The following EFCAB8 variants were observed in gnomAD, a reference collection of about 807,000 sequenced individuals.
The protein encoded by EFCAB8 is EF-hand calcium binding domain 8.
In EFCAB8, 100 loss-of-function variants were observed where a neutral mutation model predicts 116.3. That is an observed-to-expected ratio of 0.86 (90% CI 0.73 to 1.02). The LOEUF is 1.02. EFCAB8 is among the 50% of genes least tolerant of loss of function. The probability of loss-of-function intolerance (pLI) is 0.00; values close to 1 mark genes in which losing one functional copy is unlikely to be tolerated. For missense variants in EFCAB8, 1,320 were observed against 1,416.9 expected, an observed-to-expected ratio of 0.93 and a Z score of 1.10; for synonymous variants, 558 against 567.9, an observed-to-expected ratio of 0.98 and a Z score of 0.25.
intron 10 of EFCAB8, among the ~76,000 whole-genome samples, chr20:32,897,048 A>G (rs1020283648): frequency 6.6e-6 from 1 of 152,076 alleles, no homozygotes; most frequent in Non-Finnish European, 1.5e-5. Flanking sequence ...TGTTCCCTGA[A>G]TGGGCTCAGC....
intron 23 of EFCAB8, among the ~76,000 whole-genome samples, chr20:32,956,468 C>A (rs1465060568): frequency 6.6e-6 from 1 of 151,650 alleles, no homozygotes; most frequent in Non-Finnish European, 1.5e-5. Flanking sequence ...ATTTTCAGAT[C>A]AAATTTTCTG....
intron 1 of EFCAB8, among the ~76,000 whole-genome samples, chr20:32,862,487 CT>C (rs149239191): frequency 0.026 from 3,930 of 152,242 alleles, 73 homozygotes; most frequent in Non-Finnish European, 0.04. Context: ...TGTTAGCTTG[CT>C]TCTTGGCTTC....
intron 23 of EFCAB8, among the ~76,000 whole-genome samples, chr20:32,947,649 C>T (rs1988636940): frequency 6.6e-6 from 1 of 151,882 alleles, no homozygotes; most frequent in Non-Finnish European, 1.5e-5. Context: ...ATATTTTGAA[C>T]TGAATGAAAA....
At chr20:32,911,135 G>T (rs573076961) in intron 15 of EFCAB8, among the ~76,000 whole-genome samples, 1 of 152,226 alleles carries the variant, frequency 6.6e-6, no homozygotes, top group East Asian at 1.9e-4. Context: ...CTACTTAGGG[G>T]GCAGTTAGTT....
In EFCAB8 at chr20:32,961,702, G is replaced by A; in HGVS notation, c.*93G>A. The A allele has an allele frequency of 1.3e-6, 1 of 773,636 alleles. No individual in the cohort carries two copies. Among genetic ancestry groups the A allele is most frequent in the Non-Finnish European group, 1.8e-6 (1 of 561,776 alleles). 47.9% of individuals were successfully genotyped at this position (773,636 alleles called of 1,614,324 possible). On this transcript the variant is annotated 3_prime_UTR_variant, in exon 27 of 27. Coordinates refer to ENST00000400522, the MANE Select transcript of EFCAB8 (RefSeq NM_001143967.2). ...GGCTTATTCCCTACCAGACCCAGAGGATGTGGCTCTTCCCCCGGCCACCCC... is the reference window on the plus strand; with the variant it reads ...GGCTTATTCCCTACCAGACCCAGAGAATGTGGCTCTTCCCCCGGCCACCCC...
intron 19 of EFCAB8, 113 bp from the exon 20 acceptor site, chr20:32,919,965 C>A: frequency 7.4e-7 from 1 of 1,355,688 alleles, no homozygotes; most frequent in Non-Finnish European, 1.0e-6. Context: ...GCCAGTGTAC[C>A]TACTGCGGGG....
chr20:32,932,864 T>C (rs1390713924), intron 22 of EFCAB8, among the ~76,000 whole-genome samples: 1 of 152,270 alleles, frequency 6.6e-6, no homozygotes. Context: ...TGCAGTCTTA[T>C]GTGCCTTTTG....
At chr20:32,879,447 A>G (rs1481831796) in intron 5 of EFCAB8, among the ~76,000 whole-genome samples, 1 of 152,122 alleles carries the variant, frequency 6.6e-6, no homozygotes, top group East Asian at 1.9e-4. Flanking sequence ...AGGGGAGGAA[A>G]ACTGTCTTTT....
In EFCAB8 at chr20:32,930,442, C is replaced by G. The variant is rs1276630769; in HGVS notation, c.2457C>G (p.Ala819=). The change falls in exon 21 of 27, where the codon GCC becomes GCG. Residue 819 remains alanine (A), a synonymous_variant. Transcript: ENST00000400522. ...GGCCTCGCCTGCCGCACACGGCTGCCCTGCTGAGCAGCTGCATGGACGGCT... is the reference window on the plus strand; with the variant it reads ...GGCCTCGCCTGCCGCACACGGCTGCGCTGCTGAGCAGCTGCATGGACGGCT... ...QTRPRLPHTA[A]LLSSCMDGYI... The G allele has an allele frequency of 7.1e-6, 11 of 1,551,656 alleles. No individual in the cohort carries two copies. Among genetic ancestry groups the G allele is most frequent in the Non-Finnish European group, 9.6e-6 (11 of 1,147,050 alleles).
At position 32,959,774 on chromosome 20, in the gene EFCAB8, C is replaced by G; in HGVS notation, c.3090-4C>G. On this transcript the variant is annotated splice_polypyrimidine_tract_variant and splice_region_variant and intron_variant, in intron 24 of 26. Transcript: ENST00000400522. The stretch of plus-strand genomic sequence containing the variant: ...CATCTTGTGAAGGAAAGCCCCCACA[C>G]TAGGGAGCAGCGGGATCTGGCTGAG... 2 of 1,479,564 alleles carry G rather than the reference C, an allele frequency of 1.4e-6. No homozygotes were observed. Among genetic ancestry groups the G allele is most frequent in the South Asian group, 2.8e-5 (2 of 71,880 alleles). The allele number at this position is 1,479,564 out of a possible 1,614,324, so 91.7% of individuals were successfully genotyped here.
chr20:32,893,222 C>A lies in EFCAB8; in HGVS notation c.807C>A (p.Asn269Lys). ...GVFCYGDAKG[N>K]VIVFTSENMT... ...TCTGCTATGGAGACGCCAAAGGCAACGTCATTGTCTTCACCTCCGAAAACA... is the reference window on the plus strand; with the variant it reads ...TCTGCTATGGAGACGCCAAAGGCAAAGTCATTGTCTTCACCTCCGAAAACA... Residue 269 changes from asparagine to lysine, a missense_variant, in exon 9 of 27, where the codon AAC becomes AAA. Transcript: ENST00000400522. 1 of 1,552,038 alleles carries A rather than the reference C, an allele frequency of 6.4e-7. No homozygotes were observed. The highest frequency in any genetic ancestry group is 8.7e-7 in the Non-Finnish European group (1 of 1,147,064).
At chr20:32,907,759 C>T (rs1414776040) in intron 13 of EFCAB8, among the ~76,000 whole-genome samples, 1 of 152,154 alleles carries the variant, frequency 6.6e-6, no homozygotes, top group Non-Finnish European at 1.5e-5. Flanking sequence ...CGCTGAGGTC[C>T]CCAGTCGGCC....
chr20:32,880,513 C>T (rs1027613424), intron 5 of EFCAB8, among the ~76,000 whole-genome samples: 5 of 152,070 alleles, frequency 3.3e-5, no homozygotes, highest in East Asian at 3.9e-4. Flanking sequence ...TCAAGTAATC[C>T]GCTCACCTTG....
Position 32,867,548 on chromosome 20 carries a change from G to T in EFCAB8, c.43-34G>T, listed in dbSNP as rs758502674. ...AATGTTTGGCTCAGGAAATTGAAAC[G>T]CTCAGTCCCTGGTTCTTGTTATATT... is the stretch of plus-strand genomic sequence containing the variant. On this transcript the variant is annotated intron_variant, in intron 2 of 26. Coordinates refer to ENST00000400522, the MANE Select transcript of EFCAB8 (RefSeq NM_001143967.2). The T allele has an allele frequency of 3.2e-6, 5 of 1,540,792 alleles. No individual in the cohort carries two copies. The African/African-American group carries it at 4.1e-5, about 13-fold the overall frequency.
At chr20:32,930,324 C>G in intron 20 of EFCAB8, 74 bp from the exon 21 acceptor site, 2 of 1,308,686 alleles carry the variant, frequency 1.5e-6, no homozygotes, top group Non-Finnish European at 2.1e-6. Flanking sequence ...GGTGTGGTGA[C>G]TTGCTGAGGT....
chr20:32,860,001 G>C (rs1984021436), intron 1 of EFCAB8, among the ~76,000 whole-genome samples: 1 of 152,056 alleles, frequency 6.6e-6, no homozygotes, highest in African/African-American at 2.4e-5. Flanking sequence ...GCCTTTCTTT[G>C]GTTTACATGG....
intron 14 of EFCAB8, among the ~76,000 whole-genome samples, chr20:32,909,567 G>C (rs1386764353): frequency 6.6e-6 from 1 of 151,366 alleles, no homozygotes; most frequent in Non-Finnish European, 1.5e-5. Flanking sequence ...AAGGTGAAAG[G>C]GACCTTGGAC....
At chr20:32,880,782 C>G (rs1985291292) in intron 5 of EFCAB8, among the ~76,000 whole-genome samples, 1 of 152,112 alleles carries the variant, frequency 6.6e-6, no homozygotes, top group African/African-American at 2.4e-5. Flanking sequence ...CATAGGGAAG[C>G]TCTCAGAACC....
In EFCAB8 at chr20:32,917,075, G is replaced by A. The variant is rs1987221366; in HGVS notation, c.1857-226G>A. On this transcript the variant is annotated intron_variant, in intron 17 of 26. Coordinates refer to ENST00000400522, the MANE Select transcript of EFCAB8 (RefSeq NM_001143967.2). ...GGGGTGTATTACACATTGACTATCT[G>A]TAAGATTAGTTTATGTAAAGCCCCT... 13 of 547,692 alleles carry A rather than the reference G, an allele frequency of 2.4e-5. No homozygotes were observed. In the South Asian group the frequency reaches 2.5e-4, roughly 10 times the overall value. 33.9% of individuals were successfully genotyped at this position (547,692 alleles called of 1,614,324 possible). A position where few individuals can be genotyped will look rare whatever the true frequency, so the allele number is the denominator to read the frequency against.
Sources: allele counts gnomAD v4.1 joint callset (sites outside exome capture counted in the v4.1 genomes callset), GRCh38; gene constraint gnomAD v4.1.1; transcripts MANE v1.5; gene names NCBI Gene and HGNC (gene_info 2026-07-23, HGNC 2026-07-21).